AKAP19: variants seen among roughly 807,000 people sequenced by gnomAD.
AKAP19 encodes the protein A-kinase anchoring protein 19, also known as small A-kinase anchoring protein.
At chr2:190,195,641 T>A in the AKAP19 span, among the ~76,000 whole-genome samples, 1 of 152,254 alleles carries the variant, frequency 6.6e-6, no homozygotes, top group South Asian at 2.1e-4. Context: ...TTAAAAGTTC[T>A]TTGTATACTT....
the AKAP19 span, among the ~76,000 whole-genome samples, chr2:190,068,771 T>C: frequency 5.3e-5 from 8 of 152,202 alleles, no homozygotes; most frequent in Non-Finnish European, 1.0e-4. Flanking sequence ...GGTTTTTAGT[T>C]TGTTCTGACT....
the AKAP19 span, chr2:190,180,327 C>A: frequency 2.5e-6 from 1 of 396,826 alleles, no homozygotes; most frequent in Non-Finnish European, 3.4e-6. The surrounding 1 kb of genome is among the most constrained non-coding windows in gnomAD (Gnocchi z 6.8). Context: ...GGGCTCAGTG[C>A]CCCGGCCCAG....
the AKAP19 span, among the ~76,000 whole-genome samples, chr2:189,936,433 A>G: frequency 0.034 from 5,232 of 152,292 alleles, 289 homozygotes; most frequent in African/African-American, 0.12. Context: ...TTCTAAGTCA[A>G]TAGTTCTAGG....
At chr2:190,175,771 CATATCATG>C in the AKAP19 span, among the ~76,000 whole-genome samples, 1 of 152,176 alleles carries the variant, frequency 6.6e-6, no homozygotes, top group Non-Finnish European at 1.5e-5. Context: ...AGCTTTTAAG[CATATCATG>C]ATATATATTA....
the AKAP19 span, among the ~76,000 whole-genome samples, chr2:189,988,707 T>C: frequency 8.5e-5 from 13 of 152,330 alleles, no homozygotes; most frequent in African/African-American, 2.4e-4. Flanking sequence ...CTTCTAGTTT[T>C]CCACAAAAGA....
At chr2:190,197,990 A>AATCATAACATGCTGATGATTAACAACC in the AKAP19 span, among the ~76,000 whole-genome samples, 1 of 152,172 alleles carries the variant, frequency 6.6e-6, no homozygotes, top group Non-Finnish European at 1.5e-5. The surrounding 1 kb of genome is among the most constrained non-coding windows in gnomAD (Gnocchi z 4.0). Flanking sequence ...CACTATGAAA[A>AATCATAACATGCTGATGATTAACAACC]ATCATAACAT....
the AKAP19 span, among the ~76,000 whole-genome samples, chr2:190,086,666 A>G: frequency 1.3e-5 from 2 of 152,312 alleles, no homozygotes; most frequent in East Asian, 3.9e-4. Flanking sequence ...GAAATATCTG[A>G]ACCATTGTGG....
At chr2:190,100,640 G>C in the AKAP19 span, among the ~76,000 whole-genome samples, 1 of 152,112 alleles carries the variant, frequency 6.6e-6, no homozygotes, top group Admixed American at 6.6e-5. Context: ...TATGCACAGG[G>C]GTGAAGGAAG....
chr2:189,923,078 G>A, the AKAP19 span, among the ~76,000 whole-genome samples: 2 of 152,194 alleles, frequency 1.3e-5, no homozygotes, highest in Non-Finnish European at 2.9e-5. Flanking sequence ...TAGAACATGG[G>A]AGGCGGAGGT....
the AKAP19 span, among the ~76,000 whole-genome samples, chr2:189,993,744 A>G: frequency 6.6e-6 from 1 of 152,058 alleles, no homozygotes; most frequent in East Asian, 1.9e-4. Context: ...GGAGGGTTGC[A>G]TATTTCCAGG....
chr2:190,144,561 C>G, the AKAP19 span, among the ~76,000 whole-genome samples: 2 of 152,172 alleles, frequency 1.3e-5, no homozygotes, highest in African/African-American at 4.8e-5. Context: ...CGTTTGTATT[C>G]ATGTATTTTT....
the AKAP19 span, among the ~76,000 whole-genome samples, chr2:190,020,009 G>A: frequency 7.9e-5 from 12 of 152,056 alleles, no homozygotes; most frequent in East Asian, 1.2e-3. Context: ...TCTTGCTTAC[G>A]CCACTCCCCG....
At chr2:190,193,810 T>C in the AKAP19 span, among the ~76,000 whole-genome samples, 134 of 152,252 alleles carry the variant, frequency 8.8e-4, 2 homozygotes, top group East Asian at 0.021. Flanking sequence ...ATTTCTGTTC[T>C]TACCTACTTC....
the AKAP19 span, among the ~76,000 whole-genome samples, chr2:190,083,027 T>C: frequency 1.0e-3 from 157 of 152,236 alleles, no homozygotes; most frequent in Non-Finnish European, 1.8e-3. Flanking sequence ...TAAACCAGGC[T>C]ATTTAACATA....
the AKAP19 span, chr2:190,199,958 G>T: frequency 6.2e-7 from 1 of 1,614,116 alleles, no homozygotes; most frequent in African/African-American, 1.3e-5. Context: ...CCAGAAGAGA[G>T]ATGTCTACCT....
the AKAP19 span, among the ~76,000 whole-genome samples, chr2:190,186,676 T>C: frequency 7.9e-5 from 12 of 152,216 alleles, no homozygotes; most frequent in Admixed American, 2.0e-4. The surrounding 1 kb of genome is among the most constrained non-coding windows in gnomAD (Gnocchi z 5.5). Flanking sequence ...TGTGAATTTA[T>C]AGTCCAAGTG....
the AKAP19 span, among the ~76,000 whole-genome samples, chr2:190,054,089 A>G: frequency 1.3e-5 from 2 of 152,068 alleles, no homozygotes; most frequent in Non-Finnish European, 2.9e-5. Flanking sequence ...AAGTGGTAAG[A>G]AAAAAATGTA....
At chr2:190,039,702 C>G in the AKAP19 span, among the ~76,000 whole-genome samples, 2 of 151,890 alleles carry the variant, frequency 1.3e-5, no homozygotes, top group African/African-American at 4.8e-5. Context: ...ACCCCGGTGT[C>G]TGTTGTTTCC....
At chr2:190,015,035 T>C in the AKAP19 span, among the ~76,000 whole-genome samples, 1 of 152,222 alleles carries the variant, frequency 6.6e-6, no homozygotes, top group South Asian at 2.1e-4. Flanking sequence ...TGGCATTGAG[T>C]GTCTGTAGCT....
Sources: gnomAD v4.1 joint callset for allele counts (sites outside exome capture counted in the v4.1 genomes callset) on GRCh38, gnomAD v4.1.1 for gene constraint, Gnocchi (gnomAD v3.1) non-coding constraint, MANE v1.5 for transcripts, NCBI Gene and HGNC (gene_info 2026-07-23, HGNC 2026-07-21) for gene names.